MON2: variants seen among roughly 807,000 people sequenced by gnomAD.
The protein encoded by MON2 is protein MON2 homolog.
A neutral mutation model predicts 208.6 loss-of-function variants in MON2; 84 were observed. That is an observed-to-expected ratio of 0.40 (90% CI 0.34 to 0.48). The LOEUF (loss-of-function observed/expected upper bound fraction) is 0.48, where lower values mean the gene tolerates loss of function less well. MON2 is among the 20% of genes least tolerant of loss of function. The pLI is 0.59. For synonymous variants in MON2, 660 were observed against 694.0 expected (o/e 0.95, Z 0.77); for missense variants, 1,611 against 2,015.4 (o/e 0.80, Z 3.84).
intron 25 of MON2, among the ~76,000 whole-genome samples, chr12:62,559,644 G>A (rs145238317): frequency 9.2e-5 from 14 of 152,000 alleles, no homozygotes; most frequent in South Asian, 8.3e-4. Context: ...AATTAGCCAG[G>A]CATGGTGGCA....
At chr12:62,544,104 A>G (rs1052990197) in intron 20 of MON2, among the ~76,000 whole-genome samples, 1 of 152,164 alleles carries the variant, frequency 6.6e-6, no homozygotes, top group Admixed American at 6.5e-5. Context: ...TTAGGTTACC[A>G]TAGTTCTTTT....
At chr12:62,536,556 C>T (rs577747330) in intron 14 of MON2, among the ~76,000 whole-genome samples, 2 of 152,012 alleles carry the variant, frequency 1.3e-5, no homozygotes, top group African/African-American at 4.8e-5. Context: ...GTTTAAAATA[C>T]TTAGAATGTG....
intron 11 of MON2, among the ~76,000 whole-genome samples, chr12:62,531,886 C>G (rs887532910): frequency 2.0e-5 from 3 of 152,132 alleles, no homozygotes; most frequent in Non-Finnish European, 4.4e-5. Context: ...TCTCCTGCCT[C>G]AGCCTCCCGA....
At chr12:62,562,007 A>T (rs1330923210) in intron 26 of MON2, among the ~76,000 whole-genome samples, 1 of 152,122 alleles carries the variant, frequency 6.6e-6, no homozygotes, top group Non-Finnish European at 1.5e-5. Flanking sequence ...GTTGAACCCT[A>T]GTTGTGTTGT....
At chr12:62,578,540 A>T in intron 31 of MON2, 35 bp downstream of exon 31, 1 of 1,341,794 alleles carries the variant, frequency 7.5e-7, no homozygotes, top group South Asian at 1.4e-5. Context: ...TCCTGTGACC[A>T]TTTTTGAAAC....
chr12:62,530,533 G>A (rs1392494132), intron 11 of MON2, among the ~76,000 whole-genome samples: 1 of 152,020 alleles, frequency 6.6e-6, no homozygotes, highest in Non-Finnish European at 1.5e-5. Context: ...GTCCGGCCCA[G>A]CATAATGTTT....
At chr12:62,579,955 A>G (rs2074942888) in intron 31 of MON2, among the ~76,000 whole-genome samples, 1 of 152,166 alleles carries the variant, frequency 6.6e-6, no homozygotes, top group Non-Finnish European at 1.5e-5. Flanking sequence ...GTTATTCTTA[A>G]TCCTATTTTG....
In MON2 at chr12:62,495,097, C is replaced by T; in HGVS notation, c.385C>T (p.Leu129Phe). The change falls in exon 4 of 35, where the codon CTT becomes TTT. Residue 129 changes from leucine to phenylalanine, a missense_variant. By Grantham distance (22) the Leu-to-Phe change is conservative. Coordinates refer to ENST00000393630, the MANE Select transcript of MON2 (RefSeq NM_015026.3). ...AGAACTTAAGCTACTTCAAACAGTT[C>T]TTGTTCTTTTAACAACCAATACAGT... ...LEELKLLQTV[L>F]VLLTTNTVVH... 1.9e-6 allele frequency: 3 copies of T among 1,612,816 alleles called. No homozygotes were observed. The highest frequency in any genetic ancestry group is 2.5e-6 in the Non-Finnish European group (3 of 1,179,222).
intron 31 of MON2, among the ~76,000 whole-genome samples, chr12:62,579,675 G>A (rs1258255688): frequency 6.6e-6 from 1 of 152,078 alleles, no homozygotes; most frequent in African/African-American, 2.4e-5. Flanking sequence ...GCAGTGAGCC[G>A]AGATCACGCC....
intron 2 of MON2, among the ~76,000 whole-genome samples, chr12:62,492,444 TCA>T (rs2070206262): frequency 7.0e-6 from 1 of 143,664 alleles, no homozygotes; most frequent in East Asian, 2.1e-4. Context: ...CAATCTCGGC[TCA>T]CTGCAAGCTC....
rs529484875 is a variant in MON2 at position 62,504,836 on chromosome 12, G to A, written c.789+3138G>A. On this transcript the variant is annotated intron_variant, in intron 7 of 34. Coordinates refer to ENST00000393630, the MANE Select transcript of MON2 (RefSeq NM_015026.3). Reference sequence around the variant, plus strand: ...AGACAGATTTTAACTGAGTTGATAAGGCTTGATGAGTACTGTGAAGGAAAA... The same window carrying A: ...AGACAGATTTTAACTGAGTTGATAAAGCTTGATGAGTACTGTGAAGGAAAA... Among the ~76,000 whole-genome samples, 4 of 152,316 alleles carry A rather than the reference G, an allele frequency of 2.6e-5. No homozygotes were observed. The East Asian group carries it at 7.7e-4, about 29-fold the overall frequency.
In MON2 at chr12:62,585,114, ACAAAAAAAAAC is replaced by A. The variant is rs1321568238; in HGVS notation, c.4700-179_4700-169del. ...ACACACACACACACACACACACAAA[ACAAAAAAAAAC>A]AAAAAAAAAACACATTTTCACTATA... On this transcript the variant is annotated intron_variant, in intron 32 of 34. Coordinates refer to ENST00000393630, the MANE Select transcript of MON2 (RefSeq NM_015026.3). Among the ~76,000 whole-genome samples, 50 of 66,580 alleles carry A rather than the reference ACAAAAAAAAAC, an allele frequency of 7.5e-4. 3 individuals are homozygous for A. Among genetic ancestry groups the A allele is most frequent in the African/African-American group, 1.8e-3 (33 of 18,404 alleles). The allele number at this position is 66,580 out of a possible 152,430, so 43.7% of individuals were successfully genotyped here. A position where few individuals can be genotyped will look rare whatever the true frequency, so the allele number is the denominator to read the frequency against.
Position 62,595,302 on chromosome 12 carries a change from A to C in MON2, c.*2553A>C, listed in dbSNP as rs2075504399. On this transcript the variant is annotated 3_prime_UTR_variant, in exon 35 of 35. Coordinates refer to ENST00000393630, the MANE Select transcript of MON2 (RefSeq NM_015026.3). ...GGGATTACAGACATGCCACCATGCC[A>C]GGCTAATTTTTTTAATATTTTTAGT... The C allele has an allele frequency of 1.3e-5, 2 of 152,024 alleles. No individual in the cohort carries two copies. Among genetic ancestry groups the C allele is most frequent in the South Asian group, 2.1e-4 (1 of 4,826 alleles). 9.4% of individuals were successfully genotyped at this position (152,024 alleles called of 1,614,324 possible). A position where few individuals can be genotyped will look rare whatever the true frequency, so the allele number is the denominator to read the frequency against.
intron 34 of MON2, 92 bp from the exon 35 acceptor site, chr12:62,592,494 C>A: frequency 1.0e-6 from 1 of 999,130 alleles, no homozygotes; most frequent in Non-Finnish European, 1.4e-6. Context: ...AGAGTTTTTT[C>A]TTTACATGCA....
At chr12:62,470,665 A>T (rs943588385) in intron 1 of MON2, 1 of 987,126 alleles carries the variant, frequency 1.0e-6, no homozygotes, top group East Asian at 8.9e-5. Flanking sequence ...TATGTATTTC[A>T]TGAATAAAAA....
intron 9 of MON2, 81 bp from the exon 10 acceptor site, chr12:62,525,003 A>T (rs944948923): frequency 8.4e-7 from 1 of 1,186,510 alleles, no homozygotes; most frequent in Non-Finnish European, 1.2e-6. Context: ...CTCTTATAGT[A>T]ATATCACTTG....
intron 7 of MON2, 84 bp downstream of exon 7, chr12:62,501,782 T>TC (rs921671828): frequency 4.0e-6 from 6 of 1,513,832 alleles, no homozygotes; most frequent in Non-Finnish European, 5.4e-6. Flanking sequence ...GTATTTTTTT[T>TC]CCACCTTAAA....
chr12:62,482,876 A>G (rs536395494), intron 1 of MON2: 2 of 152,282 alleles, frequency 1.3e-5, no homozygotes, highest in South Asian at 2.1e-4. Context: ...TACCAAAAAA[A>G]TTGAAAAATT....
At chr12:62,527,443 A>G (rs1253336720) in intron 11 of MON2, among the ~76,000 whole-genome samples, 1 of 152,182 alleles carries the variant, frequency 6.6e-6, no homozygotes, top group Non-Finnish European at 1.5e-5. Flanking sequence ...TTAGTCATTT[A>G]TATTCAAATC....
Sources: gnomAD v4.1 joint callset for allele counts (sites outside exome capture counted in the v4.1 genomes callset) on GRCh38, gnomAD v4.1.1 for gene constraint, MANE v1.5 for transcripts, NCBI Gene and HGNC (gene_info 2026-07-23, HGNC 2026-07-21) for gene names.